The following MTMR10 variants were observed in gnomAD, a reference collection of about 807,000 sequenced individuals.
The protein encoded by MTMR10 is myotubularin related protein 10, also known as myotubularin-related protein 10.
In MTMR10, 56 loss-of-function variants were observed where a neutral mutation model predicts 88.1. The ratio of observed to expected loss-of-function variants is 0.64; its 90% CI spans 0.51 to 0.79. The LOEUF (loss-of-function observed/expected upper bound fraction) is 0.79. MTMR10 is among the 30% of genes least tolerant of loss of function. MTMR10 has a pLI of 0.00. For synonymous variants in MTMR10, 380 were observed against 340.9 expected (o/e 1.11, Z -1.26); for missense variants, 883 against 924.7 (o/e 0.95, Z 0.58).
rs143774725 is a variant in MTMR10 at position 30,965,960 on chromosome 15, A to C, written c.565+1960T>G. 5.8e-3 allele frequency: 2,610 copies of C among 448,922 alleles called. 12 individuals are homozygous for C. Among genetic ancestry groups the C allele is most frequent in the Non-Finnish European group, 7.6e-3 (1,693 of 222,878 alleles). 27.8% of individuals were successfully genotyped at this position (448,922 alleles called of 1,614,324 possible). On this transcript the variant is annotated intron_variant, in intron 6 of 15. Coordinates refer to ENST00000435680, the MANE Select transcript of MTMR10 (RefSeq NM_017762.3). ...AAGAGTGGATGAGTGGGCATCTTTC[A>C]CTCACAAATTAATGAATTCTGACTG...
At position 30,942,897 on chromosome 15, in the gene MTMR10, C is replaced by T. The variant is rs113745631; in HGVS notation, c.1724G>A (p.Arg575Gln). The T allele has an allele frequency of 3.8e-4, 590 of 1,560,314 alleles. 2 individuals carry two copies. In the African/African-American group the frequency reaches 5.3e-3, roughly 14 times the overall value. Residue 575 changes from arginine to glutamine, a missense_variant, in exon 15 of 16, where the codon CGG (arginine) becomes CAG (glutamine). Arg to Gln is a conservative substitution (Grantham distance 43, BLOSUM62 1). This residue lies in a region of MTMR10 where 343 missense variants were observed against 323.2 expected (regional missense o/e 1.06). Coordinates refer to ENST00000435680, the MANE Select transcript of MTMR10 (RefSeq NM_017762.3). ...TTGTTAGCTGTGATTTACCTTTGTC[C>T]GTTTAAAAGACTTCACGGAGCCATT... is the stretch of plus-strand genomic sequence containing the variant. The part of the protein sequence containing the change: ...IQNGSVKSFK[R>Q]TKKSYSSTLR...
chr15:30,977,959 G>C lies in MTMR10; in HGVS notation c.122-1004C>G, dbSNP rs141121184. On this transcript the variant is annotated intron_variant, in intron 2 of 15. Transcript: ENST00000435680. ...GTCAAATTCACAGTGCCAACAGCTTGAGTTAACTTCCACTTTGAAGACAAG... is the reference window on the plus strand; with the variant it reads ...GTCAAATTCACAGTGCCAACAGCTTCAGTTAACTTCCACTTTGAAGACAAG... Among the ~76,000 whole-genome samples, 319 of 152,328 alleles carry C rather than the reference G, an allele frequency of 2.1e-3. 6 individuals are homozygous for C. Among genetic ancestry groups the C allele is most frequent in the Admixed American group, 0.019 (295 of 15,296 alleles).
Position 30,939,032 on chromosome 15 carries a change from C to T in MTMR10, c.*2438G>A, listed in dbSNP as rs749281221. On this transcript the variant is annotated 3_prime_UTR_variant, in exon 16 of 16. Transcript: ENST00000435680. ...AGATAACACATCTTCTTGCTCATCC[C>T]ACTTGAACTCAAGTCATCAATTTTA... The T allele has an allele frequency of 2.4e-5, 24 of 985,384 alleles. No homozygotes were observed. The highest frequency in any genetic ancestry group is 2.9e-5 in the Non-Finnish European group (24 of 829,892). 61.0% of individuals were successfully genotyped at this position (985,384 alleles called of 1,614,324 possible).
intron 9 of MTMR10, 31 bp from the exon 10 acceptor site, chr15:30,954,924 C>T (rs2063300834): frequency 1.3e-6 from 2 of 1,509,188 alleles, no homozygotes; most frequent in Admixed American, 2.1e-5. Flanking sequence ...TTAGTCATTA[C>T]TCATTCATTT....
chr15:30,951,886 G>C, intron 12 of MTMR10, 82 bp downstream of exon 12: 1 of 1,179,724 alleles, frequency 8.5e-7, no homozygotes, highest in Non-Finnish European at 1.3e-6. Context: ...AAACTGATGT[G>C]ATTTACTTGA....
rs532993277 is a variant in MTMR10, at chr15:30,978,741, G to A, written c.122-1786C>T. Among the ~76,000 whole-genome samples the A allele has an allele frequency of 1.7e-4, 26 of 152,200 alleles. 1 individual carries two copies. Among genetic ancestry groups the A allele is most frequent in the South Asian group, 1.7e-3 (8 of 4,828 alleles). On this transcript the variant is annotated intron_variant, in intron 2 of 15. Transcript: ENST00000435680. Reference sequence around the variant, plus strand: ...ATCTTAAAAAGAAGTAGTGGACTTCGCACTTATAACCAAGTGTTCTGACTT... The same window carrying A: ...ATCTTAAAAAGAAGTAGTGGACTTCACACTTATAACCAAGTGTTCTGACTT...
At chr15:30,937,447 CTTTTTTT>C (rs11317050), downstream of MTMR10, among the ~76,000 whole-genome samples, 20 of 78,980 alleles carry the variant, frequency 2.5e-4, no homozygotes, top group Admixed American at 1.5e-3. Context: ...GGGTAATAAA[CTTTTTTT>C]TTTTTTTTTT....
chr15:30,931,393 T>C, the MTMR10 span, among the ~76,000 whole-genome samples: 2 of 152,252 alleles, frequency 1.3e-5, no homozygotes, highest in Non-Finnish European at 1.5e-5. Flanking sequence ...TTTCATTTTC[T>C]TAATAGTGTC....
intron 2 of MTMR10, among the ~76,000 whole-genome samples, chr15:30,985,463 T>C (rs2030883350): frequency 6.6e-6 from 1 of 152,244 alleles, no homozygotes; most frequent in South Asian, 2.1e-4. Context: ...TGGGCCGTGC[T>C]ACTTAGCAGT....
Position 30,955,930 on chromosome 15 carries a change from T to C in MTMR10, c.936-1037A>G, listed in dbSNP as rs79812717. Among the ~76,000 whole-genome samples, 763 of 151,638 alleles carry C rather than the reference T, an allele frequency of 5.0e-3. 6 individuals carry two copies. Among genetic ancestry groups the C allele is most frequent in the African/African-American group, 0.018 (725 of 41,366 alleles). ...TCTTTTCAAAGGAAACAGCCAGGACTGGGATTCCCATCTATATTCAATGGG... is the reference window on the plus strand; with the variant it reads ...TCTTTTCAAAGGAAACAGCCAGGACCGGGATTCCCATCTATATTCAATGGG... On this transcript the variant is annotated intron_variant, in intron 9 of 15. Coordinates refer to ENST00000435680, the MANE Select transcript of MTMR10 (RefSeq NM_017762.3).
the MTMR10 span, chr15:30,929,366 G>C: frequency 6.2e-7 from 1 of 1,611,304 alleles, no homozygotes; most frequent in Non-Finnish European, 8.5e-7. Flanking sequence ...CTTGTCAGCT[G>C]GGATCGCTTC....
chr15:30,989,623 C>T (rs933705004), intron 2 of MTMR10, among the ~76,000 whole-genome samples: 1 of 151,426 alleles, frequency 6.6e-6, no homozygotes, highest in Non-Finnish European at 1.5e-5. Context: ...CACTCTGCCG[C>T]CCAGGCTGGA....
chr15:30,926,511 A>C, the MTMR10 span: 1 of 414,510 alleles, frequency 2.4e-6, no homozygotes, highest in South Asian at 1.0e-4. Context: ...ATTAACAAGT[A>C]CTATAGAAAG....
intron 3 of MTMR10, among the ~76,000 whole-genome samples, 189 bp from the exon 4 acceptor site, chr15:30,975,192 A>C (rs556630098): frequency 6.6e-6 from 1 of 152,288 alleles, no homozygotes; most frequent in East Asian, 1.9e-4. Flanking sequence ...CAACAATCTT[A>C]TTATAATACC....
intron 1 of MTMR10, 128 bp from the exon 2 acceptor site, chr15:30,990,965 G>A (rs2031278807): frequency 1.1e-5 from 8 of 756,892 alleles, no homozygotes; most frequent in East Asian, 2.8e-5. Flanking sequence ...AAATTCTTTC[G>A]CATATTAACT....
chr15:30,969,485 T>C (rs556294153), intron 5 of MTMR10, among the ~76,000 whole-genome samples: 10 of 152,254 alleles, frequency 6.6e-5, no homozygotes, highest in Middle Eastern at 3.4e-3. Flanking sequence ...TTGGGCACCG[T>C]TGATAAGCTA....
rs190904565 is a variant in MTMR10 at position 30,959,680 on chromosome 15, T to G, written c.759-559A>C. Among the ~76,000 whole-genome samples the G allele has an allele frequency of 2.0e-4, 30 of 152,276 alleles. No homozygotes were observed. The East Asian group carries it at 4.8e-3, about 24-fold the overall frequency. On this transcript the variant is annotated intron_variant, in intron 7 of 15. Coordinates refer to ENST00000435680, the MANE Select transcript of MTMR10 (RefSeq NM_017762.3). ...ATGTTTCTCAGCACATATACCAGAG[T>G]GTGCTGGCCTTGAAGCTTAAATTCC... is the stretch of plus-strand genomic sequence containing the variant.
intron 2 of MTMR10, among the ~76,000 whole-genome samples, chr15:30,988,712 G>A (rs2031108930): frequency 6.6e-6 from 1 of 152,208 alleles, no homozygotes; most frequent in African/African-American, 2.4e-5. Flanking sequence ...AAAGTGGCCA[G>A]GCGCAGTGGC....
rs1239970946 is a variant in MTMR10, at chr15:30,940,077, A to T, written c.*1393T>A. ...AAACACTTGTTTTAGAAAAGGAAAT[A>T]AGCTAACTAGACACTTTACTATAAA... On this transcript the variant is annotated 3_prime_UTR_variant, in exon 16 of 16. Coordinates refer to ENST00000435680, the MANE Select transcript of MTMR10 (RefSeq NM_017762.3). The T allele has an allele frequency of 1.0e-6, 1 of 982,972 alleles. No homozygotes were observed. Among genetic ancestry groups the T allele is most frequent in the Non-Finnish European group, 1.2e-6 (1 of 827,794 alleles). The allele number at this position is 982,972 out of a possible 1,614,324, so 60.9% of individuals were successfully genotyped here.
Sources: gnomAD v4.1 joint callset for allele counts (sites outside exome capture counted in the v4.1 genomes callset) on GRCh38, gnomAD v4.1.1 for gene constraint, gnomAD v4.1.1 regional missense constraint, MANE v1.5 for transcripts, NCBI Gene and HGNC (gene_info 2026-07-23, HGNC 2026-07-21) for gene names.